Variants in RIN2 observed in about 807,000 individuals in gnomAD.
RIN2 encodes Ras and Rab interactor 2.
In RIN2, 36 loss-of-function variants were observed where a neutral mutation model predicts 78.0. That is an observed-to-expected ratio of 0.46 (90% confidence interval 0.35 to 0.61). The LOEUF (loss-of-function observed/expected upper bound fraction) is 0.61, where lower values mean the gene tolerates loss of function less well. RIN2 is among the 20% of genes least tolerant of loss of function. RIN2 has a pLI of 0.00. For synonymous variants in RIN2, 466 were observed against 466.8 expected (o/e 1.00, Z 0.02); for missense variants, 1,087 against 1,159.7 (o/e 0.94, Z 0.91).
At chr20:19,890,053 A>AAAAC (rs11474749) in intron 3 of RIN2, among the ~76,000 whole-genome samples, 35,182 of 151,284 alleles carry the variant, frequency 0.23, 4,122 homozygotes, top group East Asian at 0.3. Context: ...GAAGGGCTCC[A>AAAAC]AAACAAACAA....
intron 2 of RIN2, among the ~76,000 whole-genome samples, chr20:19,868,020 G>A (rs2037562040): frequency 6.6e-6 from 1 of 152,210 alleles, no homozygotes; most frequent in Non-Finnish European, 1.5e-5. Context: ...TCTGGCGTGG[G>A]GCATGCTGGT....
In RIN2 at chr20:19,876,506, C is replaced by T. The variant is rs867246138; in HGVS notation, c.-36-13060C>T. 2.6e-5 allele frequency among the ~76,000 whole-genome samples: 4 copies of T among 152,246 alleles called. No homozygotes were observed. The Middle Eastern group carries it at 0.01, about 388-fold the overall frequency. On this transcript the variant is annotated intron_variant, in intron 2 of 12. Transcript: ENST00000255006. ...AAGCCTTGGTTAAAATGGAAGCTTCCAGATGTAGGGAGGGCTCATGTAGAG... is the reference window on the plus strand; with the variant it reads ...AAGCCTTGGTTAAAATGGAAGCTTCTAGATGTAGGGAGGGCTCATGTAGAG...
At chr20:19,880,041 G>A (rs1394420696) in intron 2 of RIN2, among the ~76,000 whole-genome samples, 2 of 152,122 alleles carry the variant, frequency 1.3e-5, no homozygotes, top group Non-Finnish European at 2.9e-5. Flanking sequence ...TTGAGGCCAG[G>A]AGTTCAAGAC....
At chr20:19,870,284 C>G (rs1322333466) in intron 2 of RIN2, among the ~76,000 whole-genome samples, 2 of 152,174 alleles carry the variant, frequency 1.3e-5, no homozygotes, top group African/African-American at 2.4e-5. Flanking sequence ...GTTTCTTTCT[C>G]TAGTCCAGGA....
chr20:19,994,467 T>C (rs1215132062), intron 11 of RIN2, among the ~76,000 whole-genome samples: 1 of 152,242 alleles, frequency 6.6e-6, no homozygotes, highest in Non-Finnish European at 1.5e-5. Context: ...GCACAGCTCT[T>C]GTGGTAGGGT....
chr20:19,938,581 A>G (rs1167742521), intron 4 of RIN2, among the ~76,000 whole-genome samples: 1 of 152,130 alleles, frequency 6.6e-6, no homozygotes, highest in African/African-American at 2.4e-5. Flanking sequence ...CTAACTTTGT[A>G]CAAGGTACTT....
intron 3 of RIN2, among the ~76,000 whole-genome samples, chr20:19,925,685 C>T (rs188020318): frequency 9.9e-5 from 15 of 152,244 alleles, no homozygotes; most frequent in Non-Finnish European, 1.5e-4. Flanking sequence ...CAAATGAAAA[C>T]AAAAATTATT....
At chr20:19,763,496 A>G (rs1182716754) in intron 1 of RIN2, among the ~76,000 whole-genome samples, 1 of 151,882 alleles carries the variant, frequency 6.6e-6, no homozygotes, top group Non-Finnish European at 1.5e-5. Flanking sequence ...AGCCGCTAGC[A>G]AAACCACTCA....
intron 2 of RIN2, chr20:19,823,805 C>T: frequency 1.9e-6 from 3 of 1,602,804 alleles, no homozygotes; most frequent in Non-Finnish European, 2.6e-6. Flanking sequence ...ATTGCCTTGG[C>T]AATGTCATCA....
chr20:19,767,469 C>T (rs1187747709), intron 1 of RIN2, among the ~76,000 whole-genome samples: 1 of 152,094 alleles, frequency 6.6e-6, no homozygotes, highest in Non-Finnish European at 1.5e-5. Context: ...GTCCTATGAC[C>T]CACTTTGAAG....
At chr20:19,914,254 G>A (rs1488657900) in intron 3 of RIN2, among the ~76,000 whole-genome samples, 2 of 152,144 alleles carry the variant, frequency 1.3e-5, no homozygotes, top group Non-Finnish European at 2.9e-5. Flanking sequence ...AGCCTTTTGG[G>A]GGATAGAAAT....
chr20:19,772,832 C>T (rs1185782078), intron 1 of RIN2, among the ~76,000 whole-genome samples: 5 of 152,198 alleles, frequency 3.3e-5, no homozygotes, highest in Admixed American at 3.3e-4. Context: ...AGTCACAAAG[C>T]TTGAAAGTGG....
chr20:19,969,753 A>G lies in RIN2; in HGVS notation c.537-1085A>G, dbSNP rs928398382. ...ATAATTATTTCTTTGTAAGACTATT[A>G]CCACCACTGGAAAAAAACAAACAAA... On this transcript the variant is annotated intron_variant, in intron 7 of 12. Transcript: ENST00000255006. Among the ~76,000 whole-genome samples, 4 of 141,958 alleles carry G rather than the reference A, an allele frequency of 2.8e-5. No individual in the cohort carries two copies. In the East Asian group the frequency reaches 7.3e-4, roughly 26 times the overall value. 93.1% of individuals were successfully genotyped at this position (141,958 alleles called of 152,430 possible).
chr20:19,841,116 G>C (rs2123081821), intron 2 of RIN2, among the ~76,000 whole-genome samples: 1 of 152,204 alleles, frequency 6.6e-6, no homozygotes, highest in East Asian at 2.0e-4. Flanking sequence ...GTTGCCAAGA[G>C]TGAGAGTGAG....
intron 7 of RIN2, among the ~76,000 whole-genome samples, chr20:19,967,704 G>T (rs532488613): frequency 6.6e-6 from 1 of 152,164 alleles, no homozygotes; most frequent in Non-Finnish European, 1.5e-5. Context: ...GTCATTTGGA[G>T]TCTTGCTAAA....
chr20:19,827,176 A>G (rs561153694), intron 2 of RIN2, among the ~76,000 whole-genome samples: 1 of 152,128 alleles, frequency 6.6e-6, no homozygotes, highest in Admixed American at 6.5e-5. Flanking sequence ...GGGTCTCGCC[A>G]TGTTGGCCAG....
intron 9 of RIN2, among the ~76,000 whole-genome samples, chr20:19,976,262 C>T (rs2042275947): frequency 6.6e-6 from 1 of 151,970 alleles, no homozygotes; most frequent in African/African-American, 2.4e-5. Flanking sequence ...AATGAGTTTC[C>T]ACCGCAAGCT....
At chr20:19,759,278 C>T (rs1005391410) in intron 1 of RIN2, among the ~76,000 whole-genome samples, 1 of 152,182 alleles carries the variant, frequency 6.6e-6, no homozygotes, top group African/African-American at 2.4e-5. Flanking sequence ...CGCAGTGTAG[C>T]GGCACTTCCT....
At chr20:19,830,743 G>T (rs2036227286) in intron 2 of RIN2, among the ~76,000 whole-genome samples, 1 of 152,234 alleles carries the variant, frequency 6.6e-6, no homozygotes, top group South Asian at 2.1e-4. Context: ...GCTGCTGGGA[G>T]TGCTGACCAT....
Sources: allele counts gnomAD v4.1 joint callset (sites outside exome capture counted in the v4.1 genomes callset), GRCh38; gene constraint gnomAD v4.1.1; transcripts MANE v1.5; gene names NCBI Gene and HGNC (gene_info 2026-07-23, HGNC 2026-07-21).